Variants in NDUFB5 observed in about 807,000 individuals in gnomAD.
NDUFB5 encodes NADH:ubiquinone oxidoreductase subunit B5.
NDUFB5 carries 19 observed loss-of-function variants against 19.4 expected under a neutral mutation model. The ratio of observed to expected loss-of-function variants is 0.98; its 90% CI spans 0.68 to 1.43. The LOEUF (loss-of-function observed/expected upper bound fraction) is 1.43. Ranked by LOEUF, NDUFB5 falls within the 40% of genes most tolerant of loss-of-function variation. NDUFB5 has a pLI of 0.00. For missense variants in NDUFB5, 233 were observed against 236.5 expected (o/e 0.99, Z 0.10); for synonymous variants, 80 against 82.6 (o/e 0.97, Z 0.17).
In NDUFB5 at chr3:179,608,412, T is replaced by C. The variant is rs145792509; in HGVS notation, c.124+3473T>C. On this transcript the variant is annotated intron_variant, in intron 1 of 5. Coordinates refer to ENST00000259037, the MANE Select transcript of NDUFB5 (RefSeq NM_002492.4). ...TTCACCATGTTGGCCAGGCTGGTCT[T>C]GAACTCCCGGCCTCAGGTGATCCGC... Among the ~76,000 whole-genome samples the C allele has an allele frequency of 5.3e-3, 813 of 152,164 alleles. 2 individuals are homozygous for C. Among genetic ancestry groups the C allele is most frequent in the Middle Eastern group, 0.041 (12 of 294 alleles).
In NDUFB5 at chr3:179,615,077, G is replaced by C; in HGVS notation, c.213+18G>C. On this transcript the variant is annotated intron_variant, in intron 2 of 5. Transcript: ENST00000259037. ...AGTTATTGGTAAGTTTAAATTTTTTGTTGAATTAAAGTCTTTGCATGTAAC... is the reference window on the plus strand; with the variant it reads ...AGTTATTGGTAAGTTTAAATTTTTTCTTGAATTAAAGTCTTTGCATGTAAC... The C allele has an allele frequency of 6.4e-7, 1 of 1,572,698 alleles. No homozygotes were observed. The highest frequency in any genetic ancestry group is 1.2e-5 in the South Asian group (1 of 86,290).
chr3:179,622,176 G>C (rs1267002195), intron 5 of NDUFB5, among the ~76,000 whole-genome samples: 1 of 152,064 alleles, frequency 6.6e-6, no homozygotes, highest in Non-Finnish European at 1.5e-5. Flanking sequence ...TGTTTTGGTA[G>C]AGATGGGATC....
intron 2 of NDUFB5, 150 bp from the exon 3 acceptor site, chr3:179,615,833 T>C (rs996254782): frequency 1.5e-6 from 1 of 671,058 alleles, no homozygotes; most frequent in African/African-American, 1.8e-5. Flanking sequence ...TACCAAAAAG[T>C]AAAATCACAG....
rs1213712998 is a variant in NDUFB5, at chr3:179,624,844, T to A, written c.*804T>A. 1.4e-5 allele frequency: 2 copies of A among 146,996 alleles called. No homozygotes were observed. Among genetic ancestry groups the A allele is most frequent in the Non-Finnish European group, 3.0e-5 (2 of 67,436 alleles). The allele number at this position is 146,996 out of a possible 1,614,324, so 9.1% of individuals were successfully genotyped here. On this transcript the variant is annotated 3_prime_UTR_variant, in exon 6 of 6. Coordinates refer to ENST00000259037, the MANE Select transcript of NDUFB5 (RefSeq NM_002492.4). Reference sequence around the variant, plus strand: ...CGAAATCTTGCACTGTCACCCAGGCTAGAGTGCAGTGCCGTGATCTCGGCT... The same window carrying A: ...CGAAATCTTGCACTGTCACCCAGGCAAGAGTGCAGTGCCGTGATCTCGGCT...
At chr3:179,618,258 CCT>C in intron 4 of NDUFB5, 155 bp from the exon 5 acceptor site, 1 of 503,414 alleles carries the variant, frequency 2.0e-6, no homozygotes, top group Non-Finnish European at 3.5e-6. Flanking sequence ...ATAGTATCCA[CCT>C]CATCTGTTAA....
intron 2 of NDUFB5, chr3:179,615,671 C>G (rs572811347): frequency 2.0e-6 from 1 of 506,622 alleles, no homozygotes; most frequent in Non-Finnish European, 3.8e-6. Context: ...TTCTCTTGCC[C>G]TTCCGTTGTG....
At chr3:179,623,683 A>G (rs1719592371) in intron 5 of NDUFB5, among the ~76,000 whole-genome samples, 1 of 152,180 alleles carries the variant, frequency 6.6e-6, no homozygotes, top group Non-Finnish European at 1.5e-5. Flanking sequence ...CAAAAAAACA[A>G]AAACAACAAA....
intron 1 of NDUFB5, among the ~76,000 whole-genome samples, chr3:179,613,967 A>G (rs577360406): frequency 1.3e-3 from 194 of 152,348 alleles, no homozygotes; most frequent in Non-Finnish European, 1.7e-3. Context: ...CATTCCAGAC[A>G]TTAAACATGA....
chr3:179,615,847 T>C (rs954499784), intron 2 of NDUFB5, 136 bp from the exon 3 acceptor site: 15 of 686,118 alleles, frequency 2.2e-5, no homozygotes, highest in Non-Finnish European at 2.5e-6. Context: ...ATCACAGAAA[T>C]CAATAATTTG....
chr3:179,613,561 C>T (rs1576880342), intron 1 of NDUFB5, among the ~76,000 whole-genome samples: 1 of 152,224 alleles, frequency 6.6e-6, no homozygotes, highest in East Asian at 1.9e-4. Context: ...TCATCCAACC[C>T]GTTTTCTTCA....
chr3:179,615,975 T>TA lies in NDUFB5; in HGVS notation c.214-7dup, dbSNP rs920792987. The TA allele has an allele frequency of 3.7e-6, 6 of 1,604,906 alleles. No homozygotes were observed. The highest frequency in any genetic ancestry group is 2.2e-5 in the East Asian group (1 of 44,816). Reference sequence around the variant, plus strand: ...TGGTCATGAGAAACACTTTTTTTTTTATCTTAGAGATTCTACATTGCATTG... The same window carrying TA: ...TGGTCATGAGAAACACTTTTTTTTTTAATCTTAGAGATTCTACATTGCATTG... On this transcript the variant is annotated splice_region_variant and splice_polypyrimidine_tract_variant and intron_variant, in intron 2 of 5. Transcript: ENST00000259037.
Position 179,615,042 on chromosome 3 carries a change from C to T in NDUFB5, c.196C>T (p.Arg66Cys), listed in dbSNP as rs753338161. The T allele has an allele frequency of 6.2e-6, 10 of 1,604,702 alleles. No homozygotes were observed. Among genetic ancestry groups the T allele is most frequent in the African/African-American group, 2.7e-5 (2 of 74,896 alleles). ...CAGACCTTCTAGATTCTATGACAGG[C>T]GTTTTTTGAAGTTATTGGTAAGTTT... ...VIRPSRFYDR[R>C]FLKLLRFYIA... The change falls in exon 2 of 6, where the codon CGT (arginine) becomes TGT (cysteine). Residue 66 changes from arginine to cysteine, a missense_variant. Transcript: ENST00000259037.
intron 4 of NDUFB5, chr3:179,618,166 A>G: frequency 3.2e-6 from 1 of 317,442 alleles, no homozygotes. Flanking sequence ...GGAGTCAGAC[A>G]GACCTGGTTT....
intron 5 of NDUFB5, among the ~76,000 whole-genome samples, chr3:179,620,153 G>T (rs142923759): frequency 0.038 from 5,733 of 152,200 alleles, 132 homozygotes; most frequent in South Asian, 0.062. Flanking sequence ...TAGGTTGCCT[G>T]TTCACTCTGA....
At chr3:179,612,173 C>T (rs1048381301) in intron 1 of NDUFB5, among the ~76,000 whole-genome samples, 1 of 151,804 alleles carries the variant, frequency 6.6e-6, no homozygotes, top group Non-Finnish European at 1.5e-5. Flanking sequence ...ATCCTGAAGG[C>T]TCAAAACATT....
rs1304760040 is a variant in NDUFB5 at position 179,627,376 on chromosome 3, C to T, written c.*3336C>T. 1 of 152,142 alleles carries T rather than the reference C, an allele frequency of 6.6e-6. No individual in the cohort carries two copies. Among genetic ancestry groups the T allele is most frequent in the Non-Finnish European group, 1.5e-5 (1 of 68,038 alleles). The allele number at this position is 152,142 out of a possible 1,614,324, so 9.4% of individuals were successfully genotyped here. Reference sequence around the variant, plus strand: ...CCCAGGCATTGTGAAGACCCTGTTTCCCTAGCTGTGCAGCTGCAAGGTCAC... The same window carrying T: ...CCCAGGCATTGTGAAGACCCTGTTTTCCTAGCTGTGCAGCTGCAAGGTCAC... On this transcript the variant is annotated 3_prime_UTR_variant, in exon 6 of 6. Coordinates refer to ENST00000259037, the MANE Select transcript of NDUFB5 (RefSeq NM_002492.4).
intron 1 of NDUFB5, among the ~76,000 whole-genome samples, chr3:179,609,632 A>G (rs886584035): frequency 6.6e-6 from 1 of 152,122 alleles, no homozygotes; most frequent in Non-Finnish European, 1.5e-5. Flanking sequence ...GGATTCCACA[A>G]TATGGTAATT....
intron 1 of NDUFB5, among the ~76,000 whole-genome samples, chr3:179,614,415 C>T (rs1719324173): frequency 6.6e-6 from 1 of 152,108 alleles, no homozygotes; most frequent in Non-Finnish European, 1.5e-5. Context: ...TGGTCCTTTC[C>T]ATCTATTTTG....
In NDUFB5 at chr3:179,626,945, A is replaced by G. The variant is rs1477607561; in HGVS notation, c.*2905A>G. The stretch of plus-strand genomic sequence containing the variant: ...TGTGTTAGGCCATTCTTGTGTTGCT[A>G]TAAAGAAAATCCTGAGTCTGGGTAA... On this transcript the variant is annotated 3_prime_UTR_variant, in exon 6 of 6. Coordinates refer to ENST00000259037, the MANE Select transcript of NDUFB5 (RefSeq NM_002492.4). The G allele has an allele frequency of 6.6e-6, 1 of 152,210 alleles. No individual in the cohort carries two copies. Among genetic ancestry groups the G allele is most frequent in the Non-Finnish European group, 1.5e-5 (1 of 68,058 alleles). The allele number at this position is 152,210 out of a possible 1,614,324, so 9.4% of individuals were successfully genotyped here. A position where few individuals can be genotyped will look rare whatever the true frequency, so the allele number is the denominator to read the frequency against.
Sources: allele counts gnomAD v4.1 joint callset (sites outside exome capture counted in the v4.1 genomes callset), GRCh38; gene constraint gnomAD v4.1.1; transcripts MANE v1.5; gene names NCBI Gene and HGNC (gene_info 2026-07-23, HGNC 2026-07-21).